The following GLIPR2 variants were observed in gnomAD, a reference collection of about 807,000 sequenced individuals.
The protein encoded by GLIPR2 is GLI pathogenesis related 2.
GLIPR2 carries 21 observed loss-of-function variants against 20.4 expected under a neutral mutation model. The ratio of observed to expected loss-of-function variants is 1.03; its 90% confidence interval spans 0.73 to 1.48. GLIPR2 has a LOEUF of 1.48. GLIPR2 is among the 40% of genes most tolerant of loss of function. The pLI, the probability that GLIPR2 is intolerant of heterozygous loss-of-function variation, is 0.00. For synonymous variants in GLIPR2, 91 were observed against 80.5 expected (o/e 1.13, Z -0.70); for missense variants, 205 against 200.1 (o/e 1.02, Z -0.15).
intron 4 of GLIPR2, among the ~76,000 whole-genome samples, chr9:36,161,961 G>A (rs1035345062): frequency 6.6e-6 from 1 of 152,190 alleles, no homozygotes; most frequent in Non-Finnish European, 1.5e-5. Context: ...GAGGCAGGTG[G>A]ATCGCCTGAG....
At chr9:36,162,303 C>T in intron 4 of GLIPR2, 59 bp from the exon 5 acceptor site, 2 of 1,599,738 alleles carry the variant, frequency 1.3e-6, no homozygotes, top group South Asian at 1.1e-5. Flanking sequence ...CCTGCCACAT[C>T]CTTCTTCAGG....
chr9:36,145,689 T>A (rs535190411), intron 1 of GLIPR2, among the ~76,000 whole-genome samples: 2 of 151,756 alleles, frequency 1.3e-5, no homozygotes, highest in East Asian at 3.9e-4. Context: ...GGAGGGAGGA[T>A]GTTGGATGGA....
chr9:36,136,670 CG>C, upstream of GLIPR2: 1 of 833,078 alleles, frequency 1.2e-6, no homozygotes, highest in Middle Eastern at 4.3e-4. The surrounding 1 kb of genome is among the most constrained non-coding windows in gnomAD (Gnocchi z 4.3). Context: ...CGGGCGGCGC[CG>C]GAGGAGGGGC....
In GLIPR2 at chr9:36,162,453, A is replaced by G; in HGVS notation, c.396A>G (p.Arg132=). The G allele has an allele frequency of 6.2e-7, 1 of 1,614,188 alleles. No homozygotes were observed. The highest frequency in any genetic ancestry group is 1.7e-5 in the Admixed American group (1 of 59,982). ...ACGGGTCCTCCTTTGTGGTGGCCAG[A>G]TACTTCCCAGCGGGGAATGTTGTCA... ...ASDGSSFVVA[R]YFPAGNVVNE... The change falls in exon 5 of 5, where the codon AGA becomes AGG. Residue 132 remains arginine (R), a synonymous_variant. Coordinates refer to ENST00000377960, the MANE Select transcript of GLIPR2 (RefSeq NM_022343.4).
intron 4 of GLIPR2, among the ~76,000 whole-genome samples, chr9:36,152,646 A>T (rs1280563841): frequency 6.8e-6 from 1 of 147,972 alleles, no homozygotes; most frequent in African/African-American, 2.5e-5. Flanking sequence ...GCTACTCGGG[A>T]GGCTGAGGCA....
At chr9:36,153,950 C>A (rs1344029720) in intron 4 of GLIPR2, among the ~76,000 whole-genome samples, 1 of 151,496 alleles carries the variant, frequency 6.6e-6, no homozygotes, top group African/African-American at 2.4e-5. Flanking sequence ...CCCTGTAATC[C>A]ATCCCCACCC....
At chr9:36,155,138 T>C (rs1825774806) in intron 4 of GLIPR2, among the ~76,000 whole-genome samples, 2 of 152,244 alleles carry the variant, frequency 1.3e-5, no homozygotes, top group South Asian at 4.1e-4. Flanking sequence ...GTGGCAAATA[T>C]GCATAATTGT....
In GLIPR2 at chr9:36,148,531, G is replaced by A. The variant is rs761207452; in HGVS notation, c.123-16G>A. On this transcript the variant is annotated splice_polypyrimidine_tract_variant and intron_variant, in intron 2 of 4. Transcript: ENST00000377960. Reference sequence around the variant, plus strand: ...TGAACTGCACCTGCTCTGAGGAGGCGCTGTGAACTCTGCAGGTATTCTGAG... The same window carrying A: ...TGAACTGCACCTGCTCTGAGGAGGCACTGTGAACTCTGCAGGTATTCTGAG... 1.5e-5 allele frequency: 24 copies of A among 1,597,576 alleles called. No homozygotes were observed. Among genetic ancestry groups the A allele is most frequent in the Middle Eastern group, 1.7e-4 (1 of 6,010 alleles).
At chr9:36,157,809 T>G (rs1825905217) in intron 4 of GLIPR2, among the ~76,000 whole-genome samples, 1 of 151,448 alleles carries the variant, frequency 6.6e-6, no homozygotes, top group African/African-American at 2.4e-5. Flanking sequence ...TTGTGGGTTT[T>G]TTTTTTGTTT....
upstream of GLIPR2, chr9:36,136,619 G>A (rs892808219): frequency 6.7e-6 from 3 of 445,530 alleles, no homozygotes; most frequent in East Asian, 4.0e-5. This position sits in a 1 kb window ranked among gnomAD's most constrained non-coding sequence, Gnocchi z 4.3. Context: ...GTGGCCCCGG[G>A]CGCCTCCGCC....
intron 4 of GLIPR2, among the ~76,000 whole-genome samples, chr9:36,160,184 C>T (rs904904725): frequency 5.9e-5 from 9 of 152,068 alleles, no homozygotes; most frequent in Middle Eastern, 3.4e-3. Context: ...CCACCATGCC[C>T]GGCTAATTTT....
chr9:36,149,458 A>C (rs538998355), intron 3 of GLIPR2, among the ~76,000 whole-genome samples: 2 of 152,268 alleles, frequency 1.3e-5, no homozygotes, highest in South Asian at 4.1e-4. Context: ...ACTCCTGGGG[A>C]ACCCCCTACC....
At chr9:36,153,138 AAAAAG>A (rs1338391965) in intron 4 of GLIPR2, among the ~76,000 whole-genome samples, 2 of 151,426 alleles carry the variant, frequency 1.3e-5, no homozygotes, top group Non-Finnish European at 2.9e-5. Context: ...AAAAAAAAAA[AAAAAG>A]AAAGTAGGGC....
chr9:36,141,382 C>A (rs1218702659), intron 1 of GLIPR2, among the ~76,000 whole-genome samples: 1 of 148,780 alleles, frequency 6.7e-6, no homozygotes, highest in Non-Finnish European at 1.5e-5. Flanking sequence ...ACTTTTTATT[C>A]TTTCTTCCTG....
rs148710305 is a variant in GLIPR2 at position 36,149,049 on chromosome 9, G to A, written c.226+399G>A. 5.9e-3 allele frequency among the ~76,000 whole-genome samples: 899 copies of A among 152,252 alleles called. 8 individuals carry two copies. The highest frequency in any genetic ancestry group is 8.6e-3 in the Admixed American group (132 of 15,294). ...TCCCGAGAAATTTTACTTTCTTACC[G>A]TACTGGTGATACACTACCAGTAGTG... On this transcript the variant is annotated intron_variant, in intron 3 of 4. Transcript: ENST00000377960.
Position 36,161,702 on chromosome 9 carries a change from G to A in GLIPR2, c.305-660G>A, listed in dbSNP as rs933001460. Among the ~76,000 whole-genome samples, 3 of 152,142 alleles carry A rather than the reference G, an allele frequency of 2.0e-5. No individual in the cohort carries two copies. The East Asian group carries it at 5.8e-4, about 29-fold the overall frequency. On this transcript the variant is annotated intron_variant, in intron 4 of 4. Coordinates refer to ENST00000377960, the MANE Select transcript of GLIPR2 (RefSeq NM_022343.4). ...GTGTTCCTCAGGTGTCAAGTAAGATGAAGACAAAAGGGGATCACTGGAGAG... is the reference window on the plus strand; with the variant it reads ...GTGTTCCTCAGGTGTCAAGTAAGATAAAGACAAAAGGGGATCACTGGAGAG...
rs769502931 is a variant in GLIPR2, at chr9:36,162,546, G to A, written c.*24G>A. On this transcript the variant is annotated 3_prime_UTR_variant, in exon 5 of 5. Coordinates refer to ENST00000377960, the MANE Select transcript of GLIPR2 (RefSeq NM_022343.4). ...AACTTGTTAAATGTAATGGGAAGGT[G>A]GCAGACTTAAGAACGTGGATATGAA... is the stretch of plus-strand genomic sequence containing the variant. 3.7e-6 allele frequency: 6 copies of A among 1,612,832 alleles called. No individual in the cohort carries two copies. The East Asian group carries it at 1.3e-4, about 36-fold the overall frequency.
intron 1 of GLIPR2, among the ~76,000 whole-genome samples, chr9:36,138,671 G>A (rs575744488): frequency 6.6e-6 from 1 of 152,282 alleles, no homozygotes; most frequent in Admixed American, 6.5e-5. Flanking sequence ...TGTGGACCCA[G>A]TGCCGGGGCG....
intron 4 of GLIPR2, among the ~76,000 whole-genome samples, chr9:36,160,313 G>A (rs1043879637): frequency 3.3e-5 from 5 of 152,148 alleles, no homozygotes; most frequent in African/African-American, 1.2e-4. Flanking sequence ...GTGAGTCACG[G>A]CGCCCGGCCT....
Sources: gnomAD v4.1 joint callset for allele counts (sites outside exome capture counted in the v4.1 genomes callset) on GRCh38, gnomAD v4.1.1 for gene constraint, Gnocchi (gnomAD v3.1) non-coding constraint, MANE v1.5 for transcripts, NCBI Gene and HGNC (gene_info 2026-07-23, HGNC 2026-07-21) for gene names.